The following PPP1R14C variants were observed in gnomAD, a reference collection of about 807,000 sequenced individuals.
PPP1R14C encodes protein phosphatase 1 regulatory subunit 14C.
A neutral mutation model predicts 20.4 loss-of-function variants in PPP1R14C; 16 were observed. That is an observed-to-expected ratio of 0.78 (90% CI 0.53 to 1.19). The LOEUF (loss-of-function observed/expected upper bound fraction) is 1.19, where lower values mean the gene tolerates loss of function less well. PPP1R14C is among the 50% of genes most tolerant of loss of function. PPP1R14C has a pLI of 0.00. For missense variants in PPP1R14C, 211 were observed against 220.1 expected (o/e 0.96, Z 0.26); for synonymous variants, 91 against 91.0 (o/e 1.00, Z 0.00).
intron 1 of PPP1R14C, among the ~76,000 whole-genome samples, chr6:150,204,574 T>C (rs982295966): frequency 6.6e-6 from 1 of 152,208 alleles, no homozygotes; most frequent in African/African-American, 2.4e-5. Flanking sequence ...TGTCACCATT[T>C]GTTGAGTTTG....
rs569366139 is a variant in PPP1R14C, at chr6:150,143,133, G to A, written c.-60G>A. On this transcript the variant is annotated 5_prime_UTR_variant, in exon 1 of 4. Transcript: ENST00000361131. This position sits in a 1 kb window ranked among gnomAD's most constrained non-coding sequence, Gnocchi z 5.6. ...CTGCCGGGCCGGAGGTGGTAGCGGC[G>A]CCGGGCGCGCTCCGCCCGCCCCTCC... 550 of 1,182,238 alleles carry A rather than the reference G, an allele frequency of 4.7e-4. 2 individuals are homozygous for A. The African/African-American group carries it at 7.6e-3, about 16-fold the overall frequency. The allele number at this position is 1,182,238 out of a possible 1,614,324, so 73.2% of individuals were successfully genotyped here.
intron 3 of PPP1R14C, among the ~76,000 whole-genome samples, chr6:150,239,074 G>A (rs893321181): frequency 2.6e-5 from 4 of 152,122 alleles, no homozygotes; most frequent in Admixed American, 6.5e-5. Context: ...AAAAAGAATG[G>A]ATTCCCTTTT....
Position 150,248,842 on chromosome 6 carries a change from T to G in PPP1R14C, c.*22T>G. ...ATGATTCTGGAACAGGGTGAAACTC[T>G]CCCAGAGACGAAGAAAGAGTCCTGG... is the stretch of plus-strand genomic sequence containing the variant. On this transcript the variant is annotated 3_prime_UTR_variant, in exon 4 of 4. Coordinates refer to ENST00000361131, the MANE Select transcript of PPP1R14C (RefSeq NM_030949.3). 6.5e-7 allele frequency: 1 copy of G among 1,547,384 alleles called. No homozygotes were observed. The highest frequency in any genetic ancestry group is 8.9e-7 in the Non-Finnish European group (1 of 1,122,618).
chr6:150,225,666 C>T (rs1038824902), intron 3 of PPP1R14C, among the ~76,000 whole-genome samples: 1 of 152,184 alleles, frequency 6.6e-6, no homozygotes, highest in Non-Finnish European at 1.5e-5. Context: ...CTCATTTAAT[C>T]TTCACAACAA....
chr6:150,155,003 CTTA>C, intron 1 of PPP1R14C, among the ~76,000 whole-genome samples: 1 of 152,132 alleles, frequency 6.6e-6, no homozygotes, highest in Middle Eastern at 3.4e-3. Flanking sequence ...CTTTTCTGTT[CTTA>C]TTATTTGTCC....
intron 1 of PPP1R14C, among the ~76,000 whole-genome samples, chr6:150,184,051 C>T (rs1288853423): frequency 6.6e-6 from 1 of 152,150 alleles, no homozygotes; most frequent in Non-Finnish European, 1.5e-5. Flanking sequence ...GTGACAACCC[C>T]GTGAGCTAAT....
intron 3 of PPP1R14C, among the ~76,000 whole-genome samples, chr6:150,224,481 A>G (rs1215524309): frequency 3.3e-5 from 5 of 152,230 alleles, no homozygotes; most frequent in Admixed American, 3.3e-4. Context: ...ATCTATGAAC[A>G]TAGAATACCT....
At chr6:150,166,326 C>T (rs986778913) in intron 1 of PPP1R14C, among the ~76,000 whole-genome samples, 5 of 152,058 alleles carry the variant, frequency 3.3e-5, no homozygotes, top group East Asian at 1.9e-4. Context: ...ATGATCTACC[C>T]GCCTCGGCCT....
At chr6:150,172,408 T>TTG (rs1036552643) in intron 1 of PPP1R14C, among the ~76,000 whole-genome samples, 19 of 152,040 alleles carry the variant, frequency 1.2e-4, no homozygotes, top group African/African-American at 4.3e-4. Context: ...AGCTGTGTTT[T>TTG]TGTGTGTGTG....
chr6:150,187,448 C>T (rs771940742), intron 1 of PPP1R14C, among the ~76,000 whole-genome samples: 26 of 152,130 alleles, frequency 1.7e-4, no homozygotes, highest in Non-Finnish European at 2.8e-4. Context: ...TCCTCTCCCT[C>T]CTCCCACCCT....
At chr6:150,202,589 G>A (rs964418274) in intron 1 of PPP1R14C, among the ~76,000 whole-genome samples, 2 of 152,184 alleles carry the variant, frequency 1.3e-5, no homozygotes, top group Non-Finnish European at 2.9e-5. Flanking sequence ...CTTTGCCGCC[G>A]GGACAGCCCT....
At position 150,221,337 on chromosome 6, in the gene PPP1R14C, T is replaced by C. The variant is rs1162070650; in HGVS notation, c.423+4481T>C. Among the ~76,000 whole-genome samples the C allele has an allele frequency of 6.6e-5, 10 of 152,362 alleles. No homozygotes were observed. The East Asian group carries it at 1.9e-3, about 29-fold the overall frequency. On this transcript the variant is annotated intron_variant, in intron 3 of 3. Transcript: ENST00000361131. ...GGACTCAACCCGAGTTTCTGACACCTGATCTTGTGCTCTTTCTTTCCAATC... is the reference window on the plus strand; with the variant it reads ...GGACTCAACCCGAGTTTCTGACACCCGATCTTGTGCTCTTTCTTTCCAATC...
At chr6:150,198,637 G>A (rs1018907860) in intron 1 of PPP1R14C, among the ~76,000 whole-genome samples, 8 of 152,252 alleles carry the variant, frequency 5.3e-5, no homozygotes, top group African/African-American at 1.9e-4. Context: ...AGGGACCTCA[G>A]CAATGCCATC....
At chr6:150,144,916 T>A (rs1273518196) in intron 1 of PPP1R14C, among the ~76,000 whole-genome samples, 1 of 152,234 alleles carries the variant, frequency 6.6e-6, no homozygotes, top group Non-Finnish European at 1.5e-5. Context: ...TTATTTGATG[T>A]AGATGGGATT....
intron 1 of PPP1R14C, among the ~76,000 whole-genome samples, chr6:150,174,817 T>C (rs1360814456): frequency 6.6e-6 from 1 of 151,324 alleles, no homozygotes; most frequent in East Asian, 2.0e-4. Context: ...ACACAAAAAA[T>C]TAGCTGGTCA....
chr6:150,169,057 A>C (rs1275987723), intron 1 of PPP1R14C, among the ~76,000 whole-genome samples: 1 of 152,144 alleles, frequency 6.6e-6, no homozygotes, highest in East Asian at 1.9e-4. Context: ...TTTGTACTTT[A>C]GTAGAAATGG....
intron 1 of PPP1R14C, among the ~76,000 whole-genome samples, chr6:150,146,652 C>T (rs1249969413): frequency 6.6e-6 from 1 of 152,164 alleles, no homozygotes; most frequent in African/African-American, 2.4e-5. Context: ...ACTCCTTGAC[C>T]ATGATGCCTC....
intron 1 of PPP1R14C, among the ~76,000 whole-genome samples, chr6:150,214,047 C>T (rs1285745701): frequency 1.3e-5 from 2 of 152,240 alleles, no homozygotes; most frequent in Non-Finnish European, 2.9e-5. Context: ...TCCGGTGCCA[C>T]ACTTCCTCGG....
intron 2 of PPP1R14C, among the ~76,000 whole-genome samples, chr6:150,215,919 C>T (rs1011651203): frequency 3.3e-4 from 50 of 152,146 alleles, no homozygotes; most frequent in African/African-American, 1.1e-3. Flanking sequence ...GAATATCCAC[C>T]AAGTTGGCAG....
Sources: gnomAD v4.1 joint callset for allele counts (sites outside exome capture counted in the v4.1 genomes callset) on GRCh38, gnomAD v4.1.1 for gene constraint, Gnocchi (gnomAD v3.1) non-coding constraint, MANE v1.5 for transcripts, NCBI Gene and HGNC (gene_info 2026-07-23, HGNC 2026-07-21) for gene names.